DESI1: variants seen among roughly 807,000 people sequenced by gnomAD.
DESI1 encodes PPPDE peptidase domain containing 2.
Under a neutral mutation model 22.4 loss-of-function variants are expected in DESI1, and 17 were observed. The ratio of observed to expected loss-of-function variants is 0.76; its 90% CI spans 0.52 to 1.14. The LOEUF (loss-of-function observed/expected upper bound fraction) is 1.14. DESI1 is among the 50% of genes most tolerant of loss of function. The pLI is 0.00. For missense variants in DESI1, 177 were observed against 208.9 expected (o/e 0.85, Z 0.94); for synonymous variants, 92 against 84.2 (o/e 1.09, Z -0.51).
rs1311221464 is a variant in DESI1 at position 41,598,635 on chromosome 22, A to T, written c.*2462T>A. 1 of 152,636 alleles carries T rather than the reference A, an allele frequency of 6.6e-6. No homozygotes were observed. The highest frequency in any genetic ancestry group is 1.9e-4 in the East Asian group (1 of 5,196). The allele number at this position is 152,636 out of a possible 1,614,324, so 9.5% of individuals were successfully genotyped here. A position where few individuals can be genotyped will look rare whatever the true frequency, so the allele number is the denominator to read the frequency against. ...CAGCTGAAACTGGATCTGGAAGAGGAGAAAGGAAAAAAAGGAGCTGTGATG... is the reference window on the plus strand; with the variant it reads ...CAGCTGAAACTGGATCTGGAAGAGGTGAAAGGAAAAAAAGGAGCTGTGATG... On this transcript the variant is annotated 3_prime_UTR_variant, in exon 6 of 6. Transcript: ENST00000263256.
intron 5 of DESI1, chr22:41,602,795 G>A: frequency 9.7e-7 from 1 of 1,028,946 alleles, no homozygotes; most frequent in Non-Finnish European, 1.2e-6. Context: ...TGTAATACAT[G>A]AGGGCAAGTA....
At chr22:41,603,115 T>C (rs1316226573) in intron 5 of DESI1, 144 bp downstream of exon 5, 1 of 1,248,158 alleles carries the variant, frequency 8.0e-7, no homozygotes, top group East Asian at 2.4e-5. Flanking sequence ...GTGGAGAGAA[T>C]GGCAGCCTTC....
chr22:41,615,002 GA>G (rs2067541759), intron 1 of DESI1, among the ~76,000 whole-genome samples: 1 of 150,770 alleles, frequency 6.6e-6, no homozygotes, highest in Non-Finnish European at 1.5e-5. Context: ...AAGAGCATTT[GA>G]AAACCACTGG....
At chr22:41,617,144 G>A (rs1238988720) in intron 1 of DESI1, among the ~76,000 whole-genome samples, 2 of 152,276 alleles carry the variant, frequency 1.3e-5, no homozygotes, top group African/African-American at 2.4e-5. Context: ...CAATTTTAAA[G>A]GAACGTATTA....
At chr22:41,613,452 T>C (rs2067530384) in intron 1 of DESI1, among the ~76,000 whole-genome samples, 1 of 152,380 alleles carries the variant, frequency 6.6e-6, no homozygotes, top group Middle Eastern at 3.4e-3. Context: ...GTATTGAAAC[T>C]ATTCACGTGT....
intron 5 of DESI1, chr22:41,603,052 G>A: frequency 1.3e-6 from 1 of 767,192 alleles, no homozygotes. Context: ...CTTAGGCCAG[G>A]GCAGAGCTGG....
intron 1 of DESI1, among the ~76,000 whole-genome samples, chr22:41,618,133 C>T (rs1024119025): frequency 3.3e-5 from 5 of 152,062 alleles, no homozygotes; most frequent in African/African-American, 4.8e-5. Context: ...GAGGCTGAGG[C>T]GGGCGGATCA....
intron 3 of DESI1, among the ~76,000 whole-genome samples, chr22:41,606,983 G>A (rs1397444437): frequency 1.3e-5 from 2 of 151,978 alleles, no homozygotes; most frequent in African/African-American, 4.8e-5. Flanking sequence ...GAGATGGAAG[G>A]TCTCAGCTCG....
intron 3 of DESI1, 39 bp downstream of exon 3, chr22:41,607,223 C>G (rs761375777): frequency 3.3e-6 from 5 of 1,531,888 alleles, no homozygotes; most frequent in East Asian, 2.4e-5. Flanking sequence ...CCCCCAGGAA[C>G]CTGAGACTGC....
At chr22:41,619,669 C>T (rs2067572191) in intron 1 of DESI1, among the ~76,000 whole-genome samples, 1 of 152,138 alleles carries the variant, frequency 6.6e-6, no homozygotes, top group African/African-American at 2.4e-5. Context: ...CTCATGGACC[C>T]ACGGTTGTGA....
At chr22:41,607,600 A>G (rs147512545) in intron 2 of DESI1, among the ~76,000 whole-genome samples, 90 of 152,288 alleles carry the variant, frequency 5.9e-4, no homozygotes, top group South Asian at 5.0e-3. Flanking sequence ...CCCTGCCTCT[A>G]TCCACAAGAT....
At chr22:41,616,845 A>G (rs1174974611) in intron 1 of DESI1, among the ~76,000 whole-genome samples, 2 of 152,214 alleles carry the variant, frequency 1.3e-5, no homozygotes, top group Non-Finnish European at 2.9e-5. Context: ...CGGAATTTAC[A>G]TTGCTTCAGG....
chr22:41,618,322 C>T (rs2067561949), intron 1 of DESI1, among the ~76,000 whole-genome samples: 1 of 149,910 alleles, frequency 6.7e-6, no homozygotes, highest in South Asian at 2.1e-4. Flanking sequence ...GAGATCACCC[C>T]ACTGCACTCC....
At chr22:41,620,124 T>C (rs1272480611) in intron 1 of DESI1, among the ~76,000 whole-genome samples, 2 of 152,126 alleles carry the variant, frequency 1.3e-5, no homozygotes, top group South Asian at 2.1e-4. Context: ...GCAATTAACT[T>C]AGAAACTGTG....
Position 41,603,333 on chromosome 22 carries a change from G to A in DESI1, c.339C>T (p.Asn113=), listed in dbSNP as rs775898352. ...GCCCAGTCAGGAACTGTGCCACTTC[G>A]TTGCTGAAGGTGTTACAATTGTGTT... ...LFEHNCNTFS[N]EVAQFLTGRK... is the part of the protein sequence containing the mutation. Residue 113 remains asparagine (N), a synonymous_variant, in exon 5 of 6, where the codon AAC becomes AAT. Transcript: ENST00000263256. 22 of 1,614,092 alleles carry A rather than the reference G, an allele frequency of 1.4e-5. No individual in the cohort carries two copies. Among genetic ancestry groups the A allele is most frequent in the African/African-American group, 4.0e-5 (3 of 74,922 alleles).
In DESI1 at chr22:41,598,899, T is replaced by A. The variant is rs2067434697; in HGVS notation, c.*2198A>T. 6.6e-6 allele frequency: 1 copy of A among 152,264 alleles called. No individual in the cohort carries two copies. The highest frequency in any genetic ancestry group is 1.5e-5 in the Non-Finnish European group (1 of 68,046). 9.4% of individuals were successfully genotyped at this position (152,264 alleles called of 1,614,324 possible). On this transcript the variant is annotated 3_prime_UTR_variant, in exon 6 of 6. Transcript: ENST00000263256. ...CAACAGTCCCTGCTAGTTTCTGCTC[T>A]AATCTATTATTTCCATGCACACTGG...
chr22:41,619,387 A>G (rs535773593), intron 1 of DESI1, among the ~76,000 whole-genome samples: 1 of 152,342 alleles, frequency 6.6e-6, no homozygotes, highest in South Asian at 2.1e-4. Flanking sequence ...GAGGTAAGAA[A>G]CAGTTTACAG....
chr22:41,611,161 A>T (rs2147045280), intron 1 of DESI1, among the ~76,000 whole-genome samples: 1 of 152,190 alleles, frequency 6.6e-6, no homozygotes, highest in East Asian at 1.9e-4. Flanking sequence ...ACAGAGTCTC[A>T]CTCTATTGCC....
At chr22:41,616,349 T>C (rs1286718432) in intron 1 of DESI1, among the ~76,000 whole-genome samples, 1 of 152,218 alleles carries the variant, frequency 6.6e-6, no homozygotes, top group East Asian at 1.9e-4. Flanking sequence ...GTAAAATCTC[T>C]AATATTCATT....
Sources: allele counts gnomAD v4.1 joint callset (sites outside exome capture counted in the v4.1 genomes callset), GRCh38; gene constraint gnomAD v4.1.1; transcripts MANE v1.5; gene names NCBI Gene and HGNC (gene_info 2026-07-23, HGNC 2026-07-21).